The following PTPRN2 variants were observed in gnomAD, a reference collection of about 807,000 sequenced individuals.
PTPRN2 encodes receptor-type tyrosine-protein phosphatase N2.
Under a neutral mutation model 118.8 loss-of-function variants are expected in PTPRN2, and 74 were observed. That is an observed-to-expected ratio of 0.62 (90% CI 0.52 to 0.76). The LOEUF (loss-of-function observed/expected upper bound fraction) is 0.76. Among genes scored for constraint, PTPRN2 ranks in the 30% least tolerant of loss-of-function variants. The pLI, the probability that PTPRN2 is intolerant of heterozygous loss-of-function variation, is 0.00. For missense variants in PTPRN2, 1,481 were observed against 1,394.4 expected, an observed-to-expected ratio of 1.06 and a Z score of -0.99; for synonymous variants, 641 against 608.0, an observed-to-expected ratio of 1.05 and a Z score of -0.80.
At chr7:157,584,743 G>A (rs929877253) in intron 17 of PTPRN2, among the ~76,000 whole-genome samples, 2 of 152,198 alleles carry the variant, frequency 1.3e-5, no homozygotes, top group South Asian at 2.1e-4. Context: ...GAAAACACTC[G>A]TATTTCACTC....
chr7:158,549,583 C>T (rs1826514145), intron 1 of PTPRN2, among the ~76,000 whole-genome samples: 1 of 152,274 alleles, frequency 6.6e-6, no homozygotes, highest in East Asian at 1.9e-4. Context: ...GGCTGGGCTT[C>T]GCCTGAGCGC....
intron 3 of PTPRN2, among the ~76,000 whole-genome samples, chr7:158,210,766 T>C (rs932290528): frequency 2.6e-5 from 4 of 152,102 alleles, no homozygotes; most frequent in African/African-American, 9.7e-5. Context: ...GACTGAACCA[T>C]GAAGAAATCA....
At position 158,124,511 on chromosome 7, in the gene PTPRN2, GATT is replaced by G. The variant is rs1817451842; in HGVS notation, c.1556+9163_1556+9165del. On this transcript the variant is annotated intron_variant, in intron 9 of 22. Coordinates refer to ENST00000389418, the MANE Select transcript of PTPRN2 (RefSeq NM_002847.5). ...TGGAAAGAGAAATAGCCAAATGTGT[GATT>G]ATTACAAATTAATAGGCCATGGCCA... Among the ~76,000 whole-genome samples the G allele has an allele frequency of 3.9e-5, 6 of 152,376 alleles. No individual in the cohort carries two copies. The South Asian group carries it at 1.2e-3, about 32-fold the overall frequency.
intron 1 of PTPRN2, among the ~76,000 whole-genome samples, chr7:158,521,997 G>C (rs71547543): frequency 8.3e-5 from 1 of 11,982 alleles, no homozygotes; most frequent in East Asian, 4.7e-3. Context: ...GTGCTGGCTC[G>C]GGAGGGAGGT....
At chr7:158,189,823 T>C (rs1481605004) in intron 5 of PTPRN2, among the ~76,000 whole-genome samples, 1 of 152,198 alleles carries the variant, frequency 6.6e-6, no homozygotes, top group Non-Finnish European at 1.5e-5. Flanking sequence ...CCACAGCCCT[T>C]CTGATAAAGA....
intron 12 of PTPRN2, among the ~76,000 whole-genome samples, chr7:157,855,081 T>C (rs1034664928): frequency 1.3e-5 from 2 of 150,016 alleles, no homozygotes; most frequent in Non-Finnish European, 1.5e-5. Context: ...GGAGGATGGC[T>C]GTGCCGTTGC....
chr7:158,119,904 C>A lies in PTPRN2; in HGVS notation c.1557-8989G>T, dbSNP rs141364588. Among the ~76,000 whole-genome samples, 583 of 152,240 alleles carry A rather than the reference C, an allele frequency of 3.8e-3. 3 individuals are homozygous for A. Among genetic ancestry groups the A allele is most frequent in the African/African-American group, 0.013 (559 of 41,550 alleles). ...GTCTCAAAGAGATGTTAGTGCCTCACATTCACAGCCGCATTATTCTCAATC... is the reference window on the plus strand; with the variant it reads ...GTCTCAAAGAGATGTTAGTGCCTCAAATTCACAGCCGCATTATTCTCAATC... On this transcript the variant is annotated intron_variant, in intron 9 of 22. Coordinates refer to ENST00000389418, the MANE Select transcript of PTPRN2 (RefSeq NM_002847.5).
In PTPRN2 at chr7:157,560,313, G is replaced by A. The variant is rs1424475580; in HGVS notation, c.2902+8589C>T. ...TCCATGCACAGGGACGAAGACCCCC[G>A]AGGAGACCATCGAAGGATGGTGGGC... On this transcript the variant is annotated intron_variant, in intron 21 of 22. Transcript: ENST00000389418. The surrounding 1 kb of genome is among the most constrained non-coding windows in gnomAD (Gnocchi z 6.7). Among the ~76,000 whole-genome samples the A allele has an allele frequency of 3.9e-5, 6 of 152,226 alleles. 1 individual carries two copies. Among genetic ancestry groups the A allele is most frequent in the Admixed American group, 2.6e-4 (4 of 15,294 alleles).
At chr7:158,035,172 A>G (rs1382351047) in intron 11 of PTPRN2, among the ~76,000 whole-genome samples, 1 of 152,260 alleles carries the variant, frequency 6.6e-6, no homozygotes, top group Non-Finnish European at 1.5e-5. Flanking sequence ...TACACGCATC[A>G]GCATGACAAT....
chr7:158,534,273 C>T (rs570357893), intron 1 of PTPRN2, among the ~76,000 whole-genome samples: 1 of 148,890 alleles, frequency 6.7e-6, no homozygotes. Flanking sequence ...CCCCGGGCTC[C>T]GTCAGGGATG....
chr7:158,165,245 G>C (rs1410971057), intron 6 of PTPRN2, among the ~76,000 whole-genome samples: 3 of 151,342 alleles, frequency 2.0e-5, no homozygotes, highest in African/African-American at 7.3e-5. Context: ...CAGGAGGCAG[G>C]ACCATCAAGG....
chr7:157,934,510 T>C (rs1799586183), intron 11 of PTPRN2, among the ~76,000 whole-genome samples: 1 of 152,246 alleles, frequency 6.6e-6, no homozygotes, highest in Non-Finnish European at 1.5e-5. Context: ...CACATTTGAC[T>C]GGAAGCCTCT....
intron 11 of PTPRN2, among the ~76,000 whole-genome samples, chr7:157,922,171 A>G (rs569366336): frequency 6.6e-6 from 1 of 152,372 alleles, no homozygotes; most frequent in East Asian, 1.9e-4. Flanking sequence ...TTATTACTGC[A>G]GTGAAACTTT....
intron 2 of PTPRN2, among the ~76,000 whole-genome samples, chr7:158,330,083 C>A (rs951352114): frequency 7.0e-6 from 1 of 143,160 alleles, no homozygotes; most frequent in Non-Finnish European, 1.5e-5. Context: ...AGAGCTGACA[C>A]CTGCAGACGT....
chr7:158,450,793 C>T (rs1795608473), intron 2 of PTPRN2, among the ~76,000 whole-genome samples: 2 of 152,248 alleles, frequency 1.3e-5, no homozygotes, highest in Admixed American at 6.5e-5. Flanking sequence ...AGACTGTAAA[C>T]GATGCCACCT....
chr7:158,183,248 C>T (rs954912756), intron 5 of PTPRN2, among the ~76,000 whole-genome samples: 2 of 152,166 alleles, frequency 1.3e-5, no homozygotes, highest in Admixed American at 6.5e-5. Flanking sequence ...TTCTACCAAT[C>T]TGTTATCTTT....
At chr7:158,432,942 C>T (rs1330536537) in intron 2 of PTPRN2, among the ~76,000 whole-genome samples, 2 of 152,218 alleles carry the variant, frequency 1.3e-5, no homozygotes, top group Non-Finnish European at 2.9e-5. Flanking sequence ...GACATAGATT[C>T]ATAACCCACA....
chr7:158,193,775 C>T (rs1825971793), intron 4 of PTPRN2, among the ~76,000 whole-genome samples: 1 of 151,958 alleles, frequency 6.6e-6, no homozygotes, highest in South Asian at 2.1e-4. Flanking sequence ...TTGCACATGA[C>T]CAAAAGGGCC....
intron 4 of PTPRN2, among the ~76,000 whole-genome samples, chr7:158,197,134 G>T (rs1395902593): frequency 1.3e-5 from 2 of 152,240 alleles, no homozygotes; most frequent in East Asian, 3.9e-4. Context: ...TCCAAACACA[G>T]CACTGTGGCA....
Sources: allele counts gnomAD v4.1 joint callset (sites outside exome capture counted in the v4.1 genomes callset), GRCh38; gene constraint gnomAD v4.1.1; non-coding constraint Gnocchi (gnomAD v3.1); transcripts MANE v1.5; gene names NCBI Gene and HGNC (gene_info 2026-07-23, HGNC 2026-07-21).